The following ALG6 variants were observed in gnomAD, a reference collection of about 807,000 sequenced individuals.
The protein encoded by ALG6 is dolichyl pyrophosphate Man9GlcNAc2 alpha-1,3-glucosyltransferase.
Under a neutral mutation model 66.6 loss-of-function variants are expected in ALG6, and 46 were observed. The observed-to-expected ratio is 0.69, with a 90% CI of 0.55 to 0.88. The LOEUF is 0.88. Ranked by LOEUF, ALG6 falls within the 40% of genes least tolerant of loss-of-function variation. ALG6 has a pLI of 0.00. For synonymous variants in ALG6, 185 were observed against 203.7 expected (o/e 0.91, Z 0.78); for missense variants, 505 against 586.8 (o/e 0.86, Z 1.44).
intron 2 of ALG6, among the ~76,000 whole-genome samples, chr1:63,392,099 A>T (rs1252087282): frequency 6.6e-6 from 1 of 152,228 alleles, no homozygotes; most frequent in African/African-American, 2.4e-5. Flanking sequence ...TCATTACTAA[A>T]GTATGACTGT....
chr1:63,427,169 T>A (rs935022715), intron 12 of ALG6, among the ~76,000 whole-genome samples: 1 of 97,760 alleles, frequency 1.0e-5, no homozygotes, highest in East Asian at 3.0e-4. Context: ...TCCAGCTAAT[T>A]TTTTTTTTTT....
rs926536809 is a variant in ALG6 at position 63,380,759 on chromosome 1, T to C, written c.82+9700T>C. Among the ~76,000 whole-genome samples, 7 of 152,332 alleles carry C rather than the reference T, an allele frequency of 4.6e-5. No individual in the cohort carries two copies. In the East Asian group the frequency reaches 1.2e-3, roughly 25 times the overall value. On this transcript the variant is annotated intron_variant, in intron 2 of 14. Coordinates refer to ENST00000263440, the MANE Select transcript of ALG6 (RefSeq NM_013339.4). ...CTTCTCTATTCCTGTGACTTACATA[T>C]ATTACTTAACCTGACATTTCTTTCA... is the stretch of plus-strand genomic sequence containing the variant.
intron 12 of ALG6, among the ~76,000 whole-genome samples, chr1:63,426,605 A>G (rs972553111): frequency 3.9e-5 from 6 of 152,170 alleles, no homozygotes; most frequent in Admixed American, 2.0e-4. Flanking sequence ...GCAAAGTGAC[A>G]TGGTCATAGC....
At chr1:63,431,034 T>C (rs771494906) in intron 14 of ALG6, among the ~76,000 whole-genome samples, 57 of 152,144 alleles carry the variant, frequency 3.7e-4, no homozygotes, top group Non-Finnish European at 6.6e-4. Context: ...TGCCTTTGAG[T>C]TGCTTTGAGT....
At chr1:63,396,487 TTTGC>T (rs1557585820) in intron 2 of ALG6, 22 bp from the exon 3 acceptor site, 1 of 1,590,450 alleles carries the variant, frequency 6.3e-7, no homozygotes, top group Non-Finnish European at 8.6e-7. Flanking sequence ...ACATTGTTGT[TTTGC>T]TCTTTTTACC....
intron 14 of ALG6, among the ~76,000 whole-genome samples, chr1:63,431,544 A>G (rs1014411945): frequency 1.3e-5 from 2 of 152,088 alleles, no homozygotes; most frequent in Non-Finnish European, 2.9e-5. Flanking sequence ...AGCCCCCTTA[A>G]TAGCTGGGAC....
intron 12 of ALG6, among the ~76,000 whole-genome samples, chr1:63,422,256 T>TATATAA (rs1557595001): frequency 9.0e-6 from 1 of 110,632 alleles, no homozygotes; most frequent in African/African-American, 3.8e-5. Flanking sequence ...TATATATATT[T>TATATAA]ATATAGATAT....
chr1:63,422,266 TA>T (rs1644585036), intron 12 of ALG6, among the ~76,000 whole-genome samples: 1 of 78,942 alleles, frequency 1.3e-5, no homozygotes, highest in Non-Finnish European at 2.2e-5. Context: ...TATATAGATA[TA>T]AATATATATA....
At chr1:63,369,439 G>T (rs992635227) in intron 1 of ALG6, among the ~76,000 whole-genome samples, 11 of 152,176 alleles carry the variant, frequency 7.2e-5, no homozygotes, top group African/African-American at 2.6e-4. Context: ...GATCAGCCTG[G>T]CCAATCTGGT....
At chr1:63,411,557 G>A (rs1054239837) in intron 8 of ALG6, among the ~76,000 whole-genome samples, 3 of 152,074 alleles carry the variant, frequency 2.0e-5, no homozygotes, top group African/African-American at 7.2e-5. Context: ...CTGGTAGTGT[G>A]GATTGGGTAG....
intron 3 of ALG6, among the ~76,000 whole-genome samples, chr1:63,399,539 G>A (rs745547852): frequency 3.9e-5 from 6 of 152,070 alleles, no homozygotes; most frequent in South Asian, 2.1e-4. Flanking sequence ...TAAAATAAAC[G>A]TCTTCTTTCT....
chr1:63,428,959 C>T lies in ALG6; in HGVS notation c.1159C>T (p.Leu387=), dbSNP rs754054503. The change falls in exon 14 of 15, where the codon CTA becomes TTA. Residue 387 remains leucine, a synonymous_variant. Transcript: ENST00000263440. Reference sequence around the variant, plus strand: ...ACCTCTTCTATTGAAGGATGAACTCCTAATGCCCTCTGTTGTGACAACAAT... The same window carrying T: ...ACCTCTTCTATTGAAGGATGAACTCTTAATGCCCTCTGTTGTGACAACAAT... ...MLPLLLKDEL[L]MPSVVTTMAF... is the part of the protein sequence containing the mutation. 8.1e-6 allele frequency: 13 copies of T among 1,613,218 alleles called. No homozygotes were observed. In the African/African-American group the frequency reaches 1.3e-4, roughly 17 times the overall value.
intron 3 of ALG6, among the ~76,000 whole-genome samples, chr1:63,398,617 C>T (rs1027779521): frequency 4.6e-5 from 7 of 152,032 alleles, no homozygotes; most frequent in African/African-American, 7.2e-5. Context: ...GGACTACAGG[C>T]GCCCACCACC....
At chr1:63,399,732 G>GA (rs1644436291) in intron 3 of ALG6, among the ~76,000 whole-genome samples, 2 of 151,916 alleles carry the variant, frequency 1.3e-5, no homozygotes, top group South Asian at 2.1e-4. Context: ...GTCTGTTAGA[G>GA]AAAACTACAT....
intron 2 of ALG6, among the ~76,000 whole-genome samples, chr1:63,377,053 C>T (rs1648156388): frequency 6.6e-6 from 1 of 152,062 alleles, no homozygotes; most frequent in Non-Finnish European, 1.5e-5. Flanking sequence ...CCTCTGCCTC[C>T]CGGGTTCAAG....
Position 63,373,179 on chromosome 1 carries a change from G to T in ALG6, c.82+2120G>T, listed in dbSNP as rs530791403. On this transcript the variant is annotated intron_variant, in intron 2 of 14. Coordinates refer to ENST00000263440, the MANE Select transcript of ALG6 (RefSeq NM_013339.4). ...GCACCACGACGCCTGGCTAATTTTT[G>T]TATTTTTTGTAGACACAGGGTCTCA... 2.0e-4 allele frequency among the ~76,000 whole-genome samples: 31 copies of T among 151,286 alleles called. No homozygotes were observed. In the South Asian group the frequency reaches 6.5e-3, roughly 32 times the overall value.
At chr1:63,415,210 G>C (rs1644540011) in intron 10 of ALG6, among the ~76,000 whole-genome samples, 1 of 152,142 alleles carries the variant, frequency 6.6e-6, no homozygotes, top group Non-Finnish European at 1.5e-5. Flanking sequence ...TCTACAACTG[G>C]GAAAAATCAG....
chr1:63,396,387 G>A (rs1385128135), intron 2 of ALG6, 126 bp from the exon 3 acceptor site: 4 of 794,186 alleles, frequency 5.0e-6, no homozygotes, highest in Non-Finnish European at 8.5e-6. Context: ...TGACTTTCTC[G>A]GTAACTCCTG....
intron 2 of ALG6, among the ~76,000 whole-genome samples, chr1:63,380,991 T>C (rs1366951995): frequency 6.6e-6 from 1 of 152,192 alleles, no homozygotes; most frequent in Non-Finnish European, 1.5e-5. Context: ...ATTTTTGTCA[T>C]TTTTCAGATA....
Sources: allele counts gnomAD v4.1 joint callset (sites outside exome capture counted in the v4.1 genomes callset), GRCh38; gene constraint gnomAD v4.1.1; transcripts MANE v1.5; gene names NCBI Gene and HGNC (gene_info 2026-07-23, HGNC 2026-07-21).